Variants in IL13RA1 observed in about 807,000 individuals in gnomAD.
The protein encoded by IL13RA1 is interleukin 13 receptor subunit alpha 1, also known as interleukin-13 receptor subunit alpha-1.
Under a neutral mutation model 33.8 loss-of-function variants are expected in IL13RA1, and 14 were observed. The observed-to-expected ratio is 0.41, with a 90% CI of 0.27 to 0.65. IL13RA1 has a LOEUF of 0.65. IL13RA1 is among the 30% of genes least tolerant of loss of function. The pLI is 0.28. For missense variants in IL13RA1, 313 were observed against 327.0 expected (o/e 0.96, Z 0.33); for synonymous variants, 116 against 115.7 (o/e 1.00, Z -0.02).
the IL13RA1 span, among the ~76,000 whole-genome samples, chrX:118,800,259 G>A: frequency 9.0e-6 from 1 of 110,743 alleles, no homozygotes; most frequent in South Asian, 3.9e-4. Context: ...GCCTGAGCCA[G>A]CAGTGGCGAC....
chrX:118,778,210 A>G (rs964288586), intron 10 of IL13RA1, among the ~76,000 whole-genome samples: 1 of 112,010 alleles, frequency 8.9e-6, no homozygotes, highest in African/African-American at 3.2e-5. Flanking sequence ...TTTAATTCCC[A>G]AATAATTATT....
intron 2 of IL13RA1, among the ~76,000 whole-genome samples, chrX:118,746,686 T>C (rs1177892967): frequency 9.1e-6 from 1 of 110,055 alleles, no homozygotes; most frequent in Non-Finnish European, 1.9e-5. Context: ...TTGTGTGCAT[T>C]GTAGGATGTT....
chrX:118,748,626 A>G (rs1316951479), intron 3 of IL13RA1, among the ~76,000 whole-genome samples: 1 of 110,626 alleles, frequency 9.0e-6, no homozygotes, highest in African/African-American at 3.3e-5. Context: ...AGTCTGGGTG[A>G]CAGAGCAAGA....
Position 118,766,924 on chromosome X carries a change from A to C in IL13RA1, c.957A>C (p.Leu319Phe), listed in dbSNP as rs145868092. The C allele has an allele frequency of 3.0e-4, 339 of 1,113,393 alleles. No homozygotes were observed. Among genetic ancestry groups the C allele is most frequent in the Non-Finnish European group, 3.9e-4 (315 of 809,685 alleles). 91.8% of individuals were successfully genotyped at this position (1,113,393 alleles called of 1,213,427 possible). A position where few individuals can be genotyped will look rare whatever the true frequency, so the allele number is the denominator to read the frequency against. ...GAATAAGAGTCAAAACAAATAAGTT[A>C]TGCTATGAGGATGACAAACTCTGGA... is the stretch of plus-strand genomic sequence containing the variant. ...TVRIRVKTNK[L>F]CYEDDKLWSN... Residue 319 changes from leucine (L) to phenylalanine (F), a missense_variant, in exon 8 of 11, where the codon TTA (leucine) becomes TTC (phenylalanine). Transcript: ENST00000371666.
chrX:118,735,802 C>G (rs2017275676), intron 1 of IL13RA1, among the ~76,000 whole-genome samples: 1 of 111,964 alleles, frequency 8.9e-6, no homozygotes, highest in Admixed American at 9.4e-5. Context: ...CCTGCCTTGG[C>G]CTCCCAAAGT....
rs150194749 is a variant in IL13RA1, at chrX:118,741,242, G to A, written c.228+86G>A. 6.1e-3 allele frequency: 3,667 copies of A among 597,941 alleles called. 16 individuals are homozygous for A. The highest frequency in any genetic ancestry group is 6.2e-3 in the Non-Finnish European group (2,308 of 371,177). The allele number at this position is 597,941 out of a possible 1,213,427, so 49.3% of individuals were successfully genotyped here. A position where few individuals can be genotyped will look rare whatever the true frequency, so the allele number is the denominator to read the frequency against. ...AGAATAAGCCAAATTCTAGTCTTAC[G>A]TCAAAGTGGAAATTGTATTTTAGGG... On this transcript the variant is annotated intron_variant, in intron 2 of 10. Transcript: ENST00000371666.
At chrX:118,738,781 CTTTTTTTTTTTTT>C (rs144796443) in intron 1 of IL13RA1, among the ~76,000 whole-genome samples, 1 of 60,229 alleles carries the variant, frequency 1.7e-5, no homozygotes, top group Non-Finnish European at 2.9e-5. Context: ...ATTTTAAGTC[CTTTTTTTTTTTTT>C]TTTTTTTTTT....
chrX:118,749,595 G>A lies in IL13RA1; in HGVS notation c.368-63G>A, dbSNP rs111608214. The A allele has an allele frequency of 9.4e-4, 1,035 of 1,097,033 alleles. 10 individuals are homozygous for A. The African/African-American group carries it at 0.013, about 14-fold the overall frequency. The allele number at this position is 1,097,033 out of a possible 1,213,427, so 90.4% of individuals were successfully genotyped here. ...ACTCTCATCATCCCCATGCCAAAGA[G>A]TGATTTGCTACTTTGCATTACAAGG... On this transcript the variant is annotated intron_variant, in intron 3 of 10. Transcript: ENST00000371666.
At chrX:118,801,336 T>C in the IL13RA1 span, among the ~76,000 whole-genome samples, 1 of 112,328 alleles carries the variant, frequency 8.9e-6, no homozygotes, top group Admixed American at 9.4e-5. Flanking sequence ...TTTAATGATA[T>C]GCCTTATTGT....
chrX:118,804,070 C>T, the IL13RA1 span, among the ~76,000 whole-genome samples: 1 of 106,950 alleles, frequency 9.4e-6, no homozygotes, highest in Middle Eastern at 4.7e-3. Context: ...GATTCTCCTG[C>T]CTCAACCTCT....
At chrX:118,800,523 G>A in the IL13RA1 span, among the ~76,000 whole-genome samples, 1 of 110,625 alleles carries the variant, frequency 9.0e-6, no homozygotes, top group Non-Finnish European at 1.9e-5. Context: ...CCACCAGAAG[G>A]AAGAAACTCG....
chrX:118,801,611 C>G, the IL13RA1 span, among the ~76,000 whole-genome samples: 22 of 112,276 alleles, frequency 2.0e-4, no homozygotes, highest in East Asian at 5.0e-3. Context: ...ACCTGAGGCT[C>G]AGTCCTCATC....
At chrX:118,758,033 A>G (rs758580149) in intron 4 of IL13RA1, 22 bp from the exon 5 acceptor site, 1 of 1,053,041 alleles carries the variant, frequency 9.5e-7, no homozygotes, top group Non-Finnish European at 1.3e-6. Context: ...AATGCAGAAG[A>G]TTGTCTCATT....
intron 1 of IL13RA1, among the ~76,000 whole-genome samples, chrX:118,736,280 G>A (rs1237446948): frequency 9.0e-6 from 1 of 111,003 alleles, no homozygotes; most frequent in Admixed American, 9.6e-5. Context: ...TCAGGGACAG[G>A]TTTGCTGTTG....
rs746377271 is a variant in IL13RA1 at position 118,750,435 on chromosome X, G to A, written c.488+657G>A. Among the ~76,000 whole-genome samples the A allele has an allele frequency of 2.7e-5, 3 of 110,218 alleles. No homozygotes were observed. In the East Asian group the frequency reaches 8.5e-4, roughly 31 times the overall value. ...AATACCCTGGAGATCTATACAAGTA[G>A]TTGTATATCACGAGGCCACTCCTTT... On this transcript the variant is annotated intron_variant, in intron 4 of 10. Transcript: ENST00000371666.
In IL13RA1 at chrX:118,727,614, G is replaced by A; in HGVS notation, c.-25G>A. The A allele has an allele frequency of 1.1e-6, 1 of 888,743 alleles. No individual in the cohort carries two copies. Among genetic ancestry groups the A allele is most frequent in the Non-Finnish European group, 1.4e-6 (1 of 711,309 alleles). 73.2% of individuals were successfully genotyped at this position (888,743 alleles called of 1,213,427 possible). A position where few individuals can be genotyped will look rare whatever the true frequency, so the allele number is the denominator to read the frequency against. ...CGGGGACTGCCAAGGCTCCAGCCCG[G>A]CCGGGCTCCGAGGCGAGAGGCTGCA... On this transcript the variant is annotated 5_prime_UTR_variant, in exon 1 of 11. Transcript: ENST00000371666.
At chrX:118,745,817 C>T (rs1022828820) in intron 2 of IL13RA1, among the ~76,000 whole-genome samples, 2 of 110,726 alleles carry the variant, frequency 1.8e-5, no homozygotes, top group Admixed American at 9.6e-5. Flanking sequence ...CTTAATTATT[C>T]CAACTCTGTC....
At chrX:118,728,658 C>G (rs2495614) in intron 1 of IL13RA1, among the ~76,000 whole-genome samples, 18,926 of 111,115 alleles carry the variant, frequency 0.17, 1,480 homozygotes, top group East Asian at 0.4. Flanking sequence ...TGCATTTTTA[C>G]CAATGTGCTT....
intron 9 of IL13RA1, among the ~76,000 whole-genome samples, chrX:118,775,439 G>A (rs2017771328): frequency 9.0e-6 from 1 of 111,609 alleles, no homozygotes. Context: ...TGTCATAAAG[G>A]ATTATTGTAG....
Sources: allele counts gnomAD v4.1 joint callset (sites outside exome capture counted in the v4.1 genomes callset), GRCh38; gene constraint gnomAD v4.1.1; transcripts MANE v1.5; gene names NCBI Gene and HGNC (gene_info 2026-07-23, HGNC 2026-07-21).